The following LRRC4C variants were observed in gnomAD, a reference collection of about 807,000 sequenced individuals.
LRRC4C encodes the protein leucine-rich repeat-containing protein 4C.
LRRC4C carries 5 observed loss-of-function variants against 33.6 expected under a neutral mutation model. That is an observed-to-expected ratio of 0.15 (90% CI 0.08 to 0.31). The LOEUF (loss-of-function observed/expected upper bound fraction) is 0.31. LRRC4C is among the 10% of genes least tolerant of loss of function. The pLI is 1.00. For synonymous variants in LRRC4C, 329 were observed against 302.0 expected, an observed-to-expected ratio of 1.09 and a Z score of -0.93; for missense variants, 560 against 796.7, an observed-to-expected ratio of 0.70 and a Z score of 3.58.
intron 1 of LRRC4C, among the ~76,000 whole-genome samples, chr11:41,233,358 C>T (rs1420823964): frequency 2.6e-5 from 4 of 151,712 alleles, no homozygotes; most frequent in African/African-American, 9.7e-5. Flanking sequence ...TATAATATTA[C>T]AAAAAACCTG....
chr11:40,270,262 C>T (rs1175550156), intron 4 of LRRC4C, among the ~76,000 whole-genome samples: 2 of 152,130 alleles, frequency 1.3e-5, no homozygotes, highest in Non-Finnish European at 2.9e-5. Flanking sequence ...TTCATTTTCT[C>T]ACAGTTTCAG....
At chr11:40,820,450 T>C (rs1951885857) in intron 2 of LRRC4C, among the ~76,000 whole-genome samples, 1 of 151,888 alleles carries the variant, frequency 6.6e-6, no homozygotes, top group Admixed American at 6.6e-5. Flanking sequence ...CTGAATATAG[T>C]TCAAATAAAT....
chr11:40,882,303 G>A (rs975130719), intron 2 of LRRC4C, among the ~76,000 whole-genome samples: 1 of 151,798 alleles, frequency 6.6e-6, no homozygotes, highest in Non-Finnish European at 1.5e-5. Flanking sequence ...CTGTATTACC[G>A]AAACTTCGAC....
intron 1 of LRRC4C, among the ~76,000 whole-genome samples, chr11:41,075,013 T>TCAATGAAACCATATGGAAGCCA (rs1939001630): frequency 6.8e-5 from 1 of 14,688 alleles, no homozygotes; most frequent in Non-Finnish European, 2.4e-4. Context: ...CCTTCAATTT[T>TCAATGAAACCATATGGAAGCCA]CTTTTTTTTT....
chr11:40,472,862 T>G (rs1953014204), intron 3 of LRRC4C, among the ~76,000 whole-genome samples: 1 of 151,718 alleles, frequency 6.6e-6, no homozygotes, highest in South Asian at 2.1e-4. Flanking sequence ...CTAGAAAAAA[T>G]GGATAAATTC....
chr11:40,994,194 G>T (rs1207588727), intron 1 of LRRC4C, among the ~76,000 whole-genome samples: 1 of 151,986 alleles, frequency 6.6e-6, no homozygotes, highest in Non-Finnish European at 1.5e-5. Flanking sequence ...TCCAGGTGAG[G>T]TTCTTCTTTC....
intron 2 of LRRC4C, among the ~76,000 whole-genome samples, chr11:40,914,725 G>C (rs1028762182): frequency 1.3e-5 from 2 of 152,098 alleles, no homozygotes; most frequent in African/African-American, 4.8e-5. Flanking sequence ...AGGAAATAAA[G>C]GGTATTCAAT....
chr11:41,041,615 A>G (rs1052840434), intron 1 of LRRC4C, among the ~76,000 whole-genome samples: 3 of 152,202 alleles, frequency 2.0e-5, no homozygotes, highest in Non-Finnish European at 2.9e-5. Context: ...TTGAATTATA[A>G]TCCAAGACCA....
chr11:40,330,142 C>A (rs1031610376), intron 3 of LRRC4C, among the ~76,000 whole-genome samples: 2 of 152,128 alleles, frequency 1.3e-5, no homozygotes, highest in African/African-American at 4.8e-5. Context: ...AATTATGAAT[C>A]TATAAAAATT....
intron 1 of LRRC4C, among the ~76,000 whole-genome samples, chr11:41,440,102 GTT>G (rs1955565964): frequency 6.6e-6 from 1 of 151,634 alleles, no homozygotes; most frequent in Admixed American, 6.6e-5. Flanking sequence ...TTGTTTGTTT[GTT>G]TTCAGTTTTT....
At chr11:41,091,673 A>G (rs759703235) in intron 1 of LRRC4C, among the ~76,000 whole-genome samples, 1 of 152,170 alleles carries the variant, frequency 6.6e-6, no homozygotes, top group South Asian at 2.1e-4. Flanking sequence ...AGTATAATAA[A>G]TAGACATTCA....
intron 2 of LRRC4C, among the ~76,000 whole-genome samples, chr11:40,708,831 G>T (rs1345921442): frequency 6.6e-6 from 1 of 152,064 alleles, no homozygotes; most frequent in Non-Finnish European, 1.5e-5. Flanking sequence ...CATTATTATT[G>T]TGTGGGAGTC....
intron 1 of LRRC4C, among the ~76,000 whole-genome samples, chr11:41,240,698 C>T (rs933326341): frequency 6.6e-6 from 1 of 152,084 alleles, no homozygotes; most frequent in East Asian, 1.9e-4. Flanking sequence ...GACTTTCTTG[C>T]TGATAAATTG....
intron 2 of LRRC4C, among the ~76,000 whole-genome samples, chr11:40,726,254 A>T (rs1390928980): frequency 2.0e-5 from 3 of 152,108 alleles, no homozygotes; most frequent in African/African-American, 7.2e-5. Flanking sequence ...TTCTACTGAA[A>T]CTATTCCAGA....
chr11:40,224,741 A>G (rs1864663236), intron 5 of LRRC4C, among the ~76,000 whole-genome samples: 1 of 152,236 alleles, frequency 6.6e-6, no homozygotes, highest in Non-Finnish European at 1.5e-5. Flanking sequence ...TAATGTGACA[A>G]AAATAGGCAC....
At chr11:41,031,411 A>G (rs879266608) in intron 1 of LRRC4C, among the ~76,000 whole-genome samples, 4 of 152,020 alleles carry the variant, frequency 2.6e-5, no homozygotes, top group Non-Finnish European at 5.9e-5. Flanking sequence ...TAATGATTAT[A>G]CAGTACAAAA....
intron 2 of LRRC4C, among the ~76,000 whole-genome samples, chr11:40,725,589 T>C (rs1312432356): frequency 6.6e-6 from 1 of 152,188 alleles, no homozygotes; most frequent in African/African-American, 2.4e-5. Flanking sequence ...CATTGATCTT[T>C]CACTGAGATT....
Position 40,116,187 on chromosome 11 carries a change from G to A in LRRC4C, c.106C>T (p.Leu36Phe). 4 of 1,613,946 alleles carry A rather than the reference G, an allele frequency of 2.5e-6. No homozygotes were observed. Among genetic ancestry groups the A allele is most frequent in the Non-Finnish European group, 3.4e-6 (4 of 1,179,974 alleles). ...LLVVLLALQL[L>F]VVAGLVRAQT... is the part of the protein sequence containing the mutation. ...GCCCGCACCAGACCAGCCACCACAAGAAGTTGAAGAGCCAGCAGCACCACA... is the reference window on the plus strand; with the variant it reads ...GCCCGCACCAGACCAGCCACCACAAAAAGTTGAAGAGCCAGCAGCACCACA... The change falls in exon 7 of 7, where the codon CTT (leucine) becomes TTT (phenylalanine). Residue 36 changes from leucine to phenylalanine, a missense_variant. Coordinates refer to ENST00000528697, the MANE Select transcript of LRRC4C (RefSeq NM_001258419.2).
At chr11:41,304,873 A>G (rs200436457) in intron 1 of LRRC4C, among the ~76,000 whole-genome samples, 1 of 60,662 alleles carries the variant, frequency 1.6e-5, no homozygotes, top group Non-Finnish European at 3.2e-5. Flanking sequence ...AGGTGGGGGT[A>G]TCAGCCCTCC....
Sources: allele counts gnomAD v4.1 joint callset (sites outside exome capture counted in the v4.1 genomes callset), GRCh38; gene constraint gnomAD v4.1.1; transcripts MANE v1.5; gene names NCBI Gene and HGNC (gene_info 2026-07-23, HGNC 2026-07-21).